Variants in FAM210A observed in about 807,000 individuals in gnomAD.
FAM210A encodes mitochondrial inner membrane scaffold 1.
In FAM210A, 13 loss-of-function variants were observed where a neutral mutation model predicts 25.3. The ratio of observed to expected loss-of-function variants is 0.51; its 90% confidence interval spans 0.33 to 0.82. The LOEUF (loss-of-function observed/expected upper bound fraction) is 0.82, where lower values mean the gene tolerates loss of function less well. Among genes scored for constraint, FAM210A ranks in the 40% least tolerant of loss-of-function variants. The probability of loss-of-function intolerance (pLI) is 0.02; values close to 1 mark genes in which losing one functional copy is unlikely to be tolerated. For synonymous variants in FAM210A, 125 were observed against 118.7 expected (o/e 1.05, Z -0.35); for missense variants, 319 against 323.2 (o/e 0.99, Z 0.10).
intron 2 of FAM210A, among the ~76,000 whole-genome samples, chr18:13,677,438 T>G (rs2043514811): frequency 6.6e-6 from 1 of 152,106 alleles, no homozygotes; most frequent in Admixed American, 6.5e-5. Flanking sequence ...ATCGACTGAG[T>G]AAGCAGGGGG....
chr18:13,703,976 T>C (rs1347549416), intron 1 of FAM210A, among the ~76,000 whole-genome samples: 2 of 152,188 alleles, frequency 1.3e-5, no homozygotes, highest in African/African-American at 4.8e-5. Context: ...GAAACAATCT[T>C]GTATGGTAAA....
rs1050838906 is a variant in FAM210A, at chr18:13,702,391, G to A, written c.-28-20286C>T. ...CTAACTTAGAACAGAACACGGGCTT[G>A]AAACCCCATAAGCCCGCTGCTCAAG... is the stretch of plus-strand genomic sequence containing the variant. On this transcript the variant is annotated intron_variant, in intron 1 of 3. Coordinates refer to ENST00000651643, the MANE Select transcript of FAM210A (RefSeq NM_152352.4). Among the ~76,000 whole-genome samples the A allele has an allele frequency of 1.1e-4, 16 of 152,208 alleles. 1 individual carries two copies. Among genetic ancestry groups the A allele is most frequent in the Non-Finnish European group, 2.2e-4 (15 of 68,018 alleles).
chr18:13,725,768 C>G (rs768591057), intron 1 of FAM210A, among the ~76,000 whole-genome samples: 12 of 151,904 alleles, frequency 7.9e-5, no homozygotes, highest in Non-Finnish European at 1.6e-4. Flanking sequence ...GGGTGATGGC[C>G]AAAAAAAGTG....
intron 2 of FAM210A, among the ~76,000 whole-genome samples, chr18:13,677,326 G>A (rs1016178346): frequency 4.7e-4 from 71 of 152,132 alleles, no homozygotes; most frequent in Non-Finnish European, 8.2e-4. Context: ...CGCCCACCTC[G>A]GCCTCCCAAA....
chr18:13,668,038 G>A (rs1224655456), intron 3 of FAM210A, among the ~76,000 whole-genome samples: 1 of 152,196 alleles, frequency 6.6e-6, no homozygotes, highest in East Asian at 1.9e-4. Context: ...ACTCCAGCCT[G>A]GGAAACAGCA....
At chr18:13,671,393 A>T in intron 3 of FAM210A, among the ~76,000 whole-genome samples, 1 of 152,198 alleles carries the variant, frequency 6.6e-6, no homozygotes, top group East Asian at 1.9e-4. Flanking sequence ...TACTTAAAAT[A>T]ATTATATCTC....
rs1246984957 is a variant in FAM210A at position 13,666,749 on chromosome 18, T to C, written c.586-36A>G. ...AAGCAAACAGAGGCAAATCAAAACC[T>C]GGTTATTACTGTCATCTTAAGCAAA... is the stretch of plus-strand genomic sequence containing the variant. On this transcript the variant is annotated intron_variant, in intron 3 of 3. Transcript: ENST00000651643. 10 of 1,558,532 alleles carry C rather than the reference T, an allele frequency of 6.4e-6. No homozygotes were observed. The Admixed American group carries it at 1.8e-4, about 29-fold the overall frequency.
intron 1 of FAM210A, among the ~76,000 whole-genome samples, chr18:13,686,335 T>C (rs12605367): frequency 0.24 from 36,391 of 152,136 alleles, 5,230 homozygotes; most frequent in East Asian, 0.36. Context: ...TGAAACTGCT[T>C]GTTATTGCCA....
rs2043375288 is a variant in FAM210A at position 13,663,370 on chromosome 18, T to C, written c.*3110A>G. 1 of 151,848 alleles carries C rather than the reference T, an allele frequency of 6.6e-6. No homozygotes were observed. Among genetic ancestry groups the C allele is most frequent in the South Asian group, 2.1e-4 (1 of 4,812 alleles). 9.4% of individuals were successfully genotyped at this position (151,848 alleles called of 1,614,324 possible). On this transcript the variant is annotated 3_prime_UTR_variant, in exon 4 of 4. Transcript: ENST00000651643. ...GATTATATTTCAAGGGATAAATTTATTATTTTCACTACTGGGAGGTAGGTA... is the reference window on the plus strand; with the variant it reads ...GATTATATTTCAAGGGATAAATTTACTATTTTCACTACTGGGAGGTAGGTA...
At chr18:13,695,191 G>T (rs1448798812) in intron 1 of FAM210A, among the ~76,000 whole-genome samples, 1 of 152,142 alleles carries the variant, frequency 6.6e-6, no homozygotes, top group Non-Finnish European at 1.5e-5. Context: ...TTAGAATGGC[G>T]ATCATTAAAA....
At chr18:13,683,242 A>G (rs2043570221) in intron 1 of FAM210A, among the ~76,000 whole-genome samples, 1 of 152,200 alleles carries the variant, frequency 6.6e-6, no homozygotes, top group African/African-American at 2.4e-5. Flanking sequence ...TTTACACTAT[A>G]ATGCCTTCGG....
At chr18:13,717,288 T>C (rs929622292) in intron 1 of FAM210A, among the ~76,000 whole-genome samples, 8 of 152,200 alleles carry the variant, frequency 5.3e-5, no homozygotes, top group Admixed American at 5.2e-4. Flanking sequence ...GTGCCACCTG[T>C]CACCTACATT....
At chr18:13,717,817 A>C (rs2043872627) in intron 1 of FAM210A, among the ~76,000 whole-genome samples, 1 of 152,092 alleles carries the variant, frequency 6.6e-6, no homozygotes, top group Admixed American at 6.6e-5. Flanking sequence ...TAGTAGACTA[A>C]ATGGTAGAAA....
chr18:13,689,039 C>T (rs927330921), intron 1 of FAM210A, among the ~76,000 whole-genome samples: 3 of 152,224 alleles, frequency 2.0e-5, no homozygotes, highest in Non-Finnish European at 2.9e-5. Flanking sequence ...ACCCCTGTCG[C>T]GAGTCCTGTG....
At position 13,704,075 on chromosome 18, in the gene FAM210A, T is replaced by G. The variant is rs1034644799; in HGVS notation, c.-28-21970A>C. Among the ~76,000 whole-genome samples the G allele has an allele frequency of 2.6e-5, 4 of 152,198 alleles. No homozygotes were observed. In the South Asian group the frequency reaches 8.3e-4, roughly 32 times the overall value. On this transcript the variant is annotated intron_variant, in intron 1 of 3. Coordinates refer to ENST00000651643, the MANE Select transcript of FAM210A (RefSeq NM_152352.4). ...CCAAGCATGCCATAGATGGTCTAAG[T>G]TGTGAAAGAAATTTATGCACCAAAA...
intron 1 of FAM210A, among the ~76,000 whole-genome samples, chr18:13,704,027 G>A (rs981899614): frequency 8.4e-4 from 128 of 152,196 alleles, no homozygotes; most frequent in Non-Finnish European, 1.8e-4. Flanking sequence ...TTAAAAAGAG[G>A]CATGTTTAGG....
intron 1 of FAM210A, among the ~76,000 whole-genome samples, chr18:13,693,113 T>A (rs1024353660): frequency 6.6e-6 from 1 of 152,120 alleles, no homozygotes; most frequent in Non-Finnish European, 1.5e-5. Flanking sequence ...GAGAATACTA[T>A]AAACACCTCT....
chr18:13,676,005 T>C, intron 2 of FAM210A, among the ~76,000 whole-genome samples: 1 of 140,968 alleles, frequency 7.1e-6, no homozygotes, highest in Non-Finnish European at 1.6e-5. Context: ...AGTTTCCTGA[T>C]TATTAACATT....
intron 1 of FAM210A, among the ~76,000 whole-genome samples, chr18:13,684,505 T>C (rs2043580245): frequency 6.6e-6 from 1 of 151,986 alleles, no homozygotes; most frequent in Admixed American, 6.6e-5. Flanking sequence ...ATAACAAGAA[T>C]GAAAAGAAGA....
Sources: gnomAD v4.1 joint callset for allele counts (sites outside exome capture counted in the v4.1 genomes callset) on GRCh38, gnomAD v4.1.1 for gene constraint, MANE v1.5 for transcripts, NCBI Gene and HGNC (gene_info 2026-07-23, HGNC 2026-07-21) for gene names.